Variants in COL4A6 observed in about 807,000 individuals in gnomAD.
COL4A6 encodes the protein collagen alpha-6(IV) chain.
COL4A6 carries 59 observed loss-of-function variants against 126.7 expected under a neutral mutation model. That is an observed-to-expected ratio of 0.47 (90% CI 0.38 to 0.58). The LOEUF (loss-of-function observed/expected upper bound fraction) is 0.58. Ranked by LOEUF, COL4A6 falls within the 20% of genes least tolerant of loss-of-function variation. The probability of loss-of-function intolerance (pLI) is 0.00; values close to 1 mark genes in which losing one functional copy is unlikely to be tolerated. For missense variants in COL4A6, 1,285 were observed against 1,337.3 expected (o/e 0.96, Z 0.61); for synonymous variants, 547 against 496.6 (o/e 1.10, Z -1.35).
Position 108,390,984 on chromosome X carries a change from G to A in COL4A6, c.63+46958C>T, listed in dbSNP as rs766813288. Among the ~76,000 whole-genome samples, 3 of 111,293 alleles carry A rather than the reference G, an allele frequency of 2.7e-5. No individual in the cohort carries two copies. In the East Asian group the frequency reaches 8.6e-4, roughly 32 times the overall value. On this transcript the variant is annotated intron_variant, in intron 2 of 44. Transcript: ENST00000334504. ...TAATAGTCAGGCCCCTCTGCTGCAG[G>A]TCTGCTGGAGTTTGCTGGAGGTCCA...
Position 108,159,454 on chromosome X carries a change from G to A in COL4A6, c.4812+8C>T, listed in dbSNP as rs73251797. 0.047 allele frequency: 56,329 copies of A among 1,209,962 alleles called. 993 individuals carry two copies. The highest frequency in any genetic ancestry group is 0.077 in the Middle Eastern group (334 of 4,337). On this transcript the variant is annotated splice_region_variant and intron_variant, in intron 44 of 44. Coordinates refer to ENST00000334504, the MANE Select transcript of COL4A6 (RefSeq NM_033641.4). ...CCAACTGGGGGAGGAGACAGTGCAG[G>A]ACCTTACCATGAGGAAAGAGTACCC... is the stretch of plus-strand genomic sequence containing the variant.
In COL4A6 at chrX:108,259,042, C is replaced by G. The variant is rs150027306; in HGVS notation, c.145-37668G>C. Among the ~76,000 whole-genome samples, 19 of 111,119 alleles carry G rather than the reference C, an allele frequency of 1.7e-4. No individual in the cohort carries two copies. The East Asian group carries it at 5.4e-3, about 32-fold the overall frequency. On this transcript the variant is annotated intron_variant, in intron 3 of 44. Transcript: ENST00000334504. ...GAATAGTCCCTATTGAAGGCATAGA[C>G]CGTAAGTAAGAGGAGTAAATTATTA...
At chrX:108,361,484 A>G (rs1275225313) in intron 2 of COL4A6, among the ~76,000 whole-genome samples, 1 of 111,765 alleles carries the variant, frequency 8.9e-6, no homozygotes, top group African/African-American at 3.3e-5. Context: ...AGAGCAATGA[A>G]CACTTGTGGT....
intron 2 of COL4A6, among the ~76,000 whole-genome samples, chrX:108,337,607 T>G (rs2039463257): frequency 8.9e-6 from 1 of 112,798 alleles, no homozygotes; most frequent in Non-Finnish European, 1.9e-5. Flanking sequence ...ATTCAGTATT[T>G]ATTAGCTGTG....
At chrX:108,257,883 G>A (rs751003962) in intron 3 of COL4A6, among the ~76,000 whole-genome samples, 4 of 111,531 alleles carry the variant, frequency 3.6e-5, no homozygotes, top group Non-Finnish European at 5.7e-5. Flanking sequence ...TGGGTAATGA[G>A]GTAAAGAAGG....
intron 6 of COL4A6, 147 bp downstream of exon 6, chrX:108,213,965 G>A: frequency 2.0e-6 from 1 of 497,044 alleles, no homozygotes; most frequent in Non-Finnish European, 3.5e-6. Flanking sequence ...TTACTGTTGT[G>A]GTGCTGCCAG....
intron 33 of COL4A6, 46 bp downstream of exon 33, chrX:108,171,341 T>C: frequency 9.0e-7 from 1 of 1,106,482 alleles, no homozygotes; most frequent in South Asian, 1.9e-5. Context: ...ATCCTCAGTT[T>C]TGTGGAGTCT....
chrX:108,269,286 T>C, intron 3 of COL4A6: 1 of 263,963 alleles, frequency 3.8e-6, no homozygotes, highest in Non-Finnish European at 7.2e-6. Flanking sequence ...TCAGTGCAGA[T>C]CAGCTGGAAA....
rs55685604 is a variant in COL4A6, at chrX:108,343,165, A to AGTGTGT, written c.64-32343_64-32338dup. 2.4e-3 allele frequency among the ~76,000 whole-genome samples: 75 copies of AGTGTGT among 31,388 alleles called. 1 individual carries two copies. Among genetic ancestry groups the AGTGTGT allele is most frequent in the African/African-American group, 6.3e-3 (69 of 11,015 alleles). The allele number at this position is 31,388 out of a possible 115,157, so 27.3% of individuals were successfully genotyped here. ...TATATATATATATATATATATATAT[A>AGTGTGT]GTGTGTGTGTGTGTGTGTGTGTGTG... On this transcript the variant is annotated intron_variant, in intron 2 of 44. Transcript: ENST00000334504.
chrX:108,187,961 T>A lies in COL4A6; in HGVS notation c.1654A>T (p.Ile552Phe), dbSNP rs748877857. The A allele has an allele frequency of 1.0e-3, 1,257 of 1,206,308 alleles. 8 individuals carry two copies. In the South Asian group the frequency reaches 0.02, roughly 19 times the overall value. The change falls in exon 22 of 45, where the codon ATC becomes TTC. Residue 552 changes from isoleucine to phenylalanine, a missense_variant. By Grantham distance (21) the Ile-to-Phe change is conservative. Coordinates refer to ENST00000334504, the MANE Select transcript of COL4A6 (RefSeq NM_033641.4). ...GKKGEPILST[I>F]QGMPGDRGDS... is the part of the protein sequence containing the mutation. The stretch of plus-strand genomic sequence containing the variant: ...CCCCGATCTCCTGGCATTCCTTGGA[T>A]TGTACTGAGAATTGGTTCCCCCTTC...
intron 3 of COL4A6, among the ~76,000 whole-genome samples, chrX:108,280,146 A>G (rs934618767): frequency 5.4e-5 from 6 of 111,700 alleles, no homozygotes; most frequent in Non-Finnish European, 7.5e-5. Context: ...CTAAAATCAG[A>G]GCAGAAATGA....
intron 2 of COL4A6, among the ~76,000 whole-genome samples, chrX:108,336,993 G>A (rs373495342): frequency 2.7e-5 from 3 of 110,572 alleles, no homozygotes; most frequent in South Asian, 3.9e-4. Context: ...AGTCCAGCTC[G>A]TCCATGAAGA....
intron 2 of COL4A6, among the ~76,000 whole-genome samples, chrX:108,437,360 T>G (rs1376138792): frequency 8.9e-6 from 1 of 112,117 alleles, no homozygotes; most frequent in Non-Finnish European, 1.9e-5. Flanking sequence ...TATAACAGCT[T>G]TATCTTTTAA....
At chrX:108,183,846 C>A (rs923527753) in intron 23 of COL4A6, 8 of 655,687 alleles carry the variant, frequency 1.2e-5, no homozygotes, top group Non-Finnish European at 1.4e-5. Flanking sequence ...GTCTTCTCAG[C>A]AGCCCAGATA....
intron 3 of COL4A6, among the ~76,000 whole-genome samples, chrX:108,241,782 C>A (rs970325383): frequency 8.4e-4 from 91 of 108,489 alleles, no homozygotes; most frequent in Non-Finnish European, 1.3e-3. Context: ...AAAATAGAAT[C>A]CATTTTCTTA....
chrX:108,421,828 C>T (rs1351897965), intron 2 of COL4A6, among the ~76,000 whole-genome samples: 1 of 111,669 alleles, frequency 9.0e-6, no homozygotes, highest in Non-Finnish European at 1.9e-5. Flanking sequence ...GGAAGTGGTA[C>T]ATAAGTGGTT....
intron 2 of COL4A6, among the ~76,000 whole-genome samples, chrX:108,394,057 A>G (rs1383025307): frequency 9.8e-5 from 11 of 112,463 alleles, no homozygotes; most frequent in Non-Finnish European, 1.9e-4. Context: ...TGGATAAAGA[A>G]AATGTGGCAC....
At chrX:108,266,542 C>A in intron 3 of COL4A6, among the ~76,000 whole-genome samples, 1 of 111,503 alleles carries the variant, frequency 9.0e-6, no homozygotes, top group East Asian at 2.8e-4. Flanking sequence ...TGTACTTGGG[C>A]AAAACCTGAA....
intron 5 of COL4A6, among the ~76,000 whole-genome samples, chrX:108,217,769 T>C (rs2035900830): frequency 8.9e-6 from 1 of 111,753 alleles, no homozygotes; most frequent in African/African-American, 3.3e-5. Context: ...TGGGATTTTA[T>C]GGAGTAATGA....
Sources: allele counts gnomAD v4.1 joint callset (sites outside exome capture counted in the v4.1 genomes callset), GRCh38; gene constraint gnomAD v4.1.1; transcripts MANE v1.5; gene names NCBI Gene and HGNC (gene_info 2026-07-23, HGNC 2026-07-21).